RIF1: variants seen among roughly 807,000 people sequenced by gnomAD.
The protein encoded by RIF1 is telomere-associated protein RIF1.
A neutral mutation model predicts 247.1 loss-of-function variants in RIF1; 45 were observed. The observed-to-expected ratio is 0.18, with a 90% CI of 0.14 to 0.23. The LOEUF (loss-of-function observed/expected upper bound fraction) is 0.23, where lower values mean the gene tolerates loss of function less well. Among genes scored for constraint, RIF1 ranks in the 10% least tolerant of loss-of-function variants. RIF1 has a pLI of 1.00. For synonymous variants in RIF1, 1,087 were observed against 978.8 expected, an observed-to-expected ratio of 1.11 and a Z score of -2.06; for missense variants, 2,967 against 2,862.5, an observed-to-expected ratio of 1.04 and a Z score of -0.83.
At position 151,490,084 on chromosome 2, in the gene RIF1, AAAAG is replaced by A. The variant is rs1247176534; in HGVS notation, c.*416-5144_*416-5141del. 1 of 1,589,988 alleles carries A rather than the reference AAAAG, an allele frequency of 6.3e-7. No homozygotes were observed. Among genetic ancestry groups the A allele is most frequent in the Non-Finnish European group, 8.6e-7 (1 of 1,163,648 alleles). ...GTTTTTGCATGTTTGTAAGCTGAAA[AAAAG>A]GGGGCAAATTCTTTATAAGAAGAAA... On this transcript the variant is annotated intron_variant and NMD_transcript_variant, in intron 9 of 13. Transcript: ENST00000454583.
chr2:151,444,795 T>C (rs1692972770), intron 18 of RIF1, among the ~76,000 whole-genome samples: 1 of 152,216 alleles, frequency 6.6e-6, no homozygotes, highest in African/African-American at 2.4e-5. Flanking sequence ...GGGATTCATT[T>C]TTAGAACTTA....
At chr2:151,446,905 A>C (rs1693368746) in intron 20 of RIF1, among the ~76,000 whole-genome samples, 1 of 151,338 alleles carries the variant, frequency 6.6e-6, no homozygotes, top group Non-Finnish European at 1.5e-5. Context: ...ATCCCTTTGA[A>C]AGTTTGTAGT....
the RIF1 span, among the ~76,000 whole-genome samples, chr2:151,514,041 G>T: frequency 6.6e-6 from 1 of 152,164 alleles, no homozygotes; most frequent in Non-Finnish European, 1.5e-5. Flanking sequence ...TAGTGTTTTC[G>T]TGTAGATGAG....
At chr2:151,505,713 G>C (rs565944075) in intron 12 of RIF1, 1 of 680,592 alleles carries the variant, frequency 1.5e-6, no homozygotes, top group Non-Finnish European at 2.6e-6. Context: ...GTGTGAATGG[G>C]ACCTCATTCT....
the RIF1 span, chr2:151,519,672 T>A: frequency 6.2e-7 from 1 of 1,608,998 alleles, no homozygotes; most frequent in South Asian, 1.1e-5. Flanking sequence ...CTTGCAAGAT[T>A]ATTAGCATCT....
At chr2:151,415,621 C>T (rs987422285) in intron 4 of RIF1, among the ~76,000 whole-genome samples, 3 of 147,372 alleles carry the variant, frequency 2.0e-5, no homozygotes, top group African/African-American at 7.5e-5. Flanking sequence ...TGCCTGTAAT[C>T]CCAGCACTTT....
Position 151,474,837 on chromosome 2 carries a change from G to T in RIF1, c.7205-20G>T, listed in dbSNP as rs776273100. 7.9e-5 allele frequency: 96 copies of T among 1,218,248 alleles called. No individual in the cohort carries two copies. Among genetic ancestry groups the T allele is most frequent in the Non-Finnish European group, 9.4e-5 (81 of 864,050 alleles). 75.5% of individuals were successfully genotyped at this position (1,218,248 alleles called of 1,614,324 possible). A position where few individuals can be genotyped will look rare whatever the true frequency, so the allele number is the denominator to read the frequency against. On this transcript the variant is annotated intron_variant, in intron 35 of 35. Transcript: ENST00000444746. The stretch of plus-strand genomic sequence containing the variant: ...TTTGTCTGGTATAGATTTAATTGTG[G>T]TTTTTTTTTTCTCTTTTAGATATAA...
In RIF1 at chr2:151,428,797, G is replaced by A; in HGVS notation, c.800G>A (p.Ser267Asn). Residue 267 changes from serine (S) to asparagine (N), a missense_variant, in exon 9 of 36, where the codon AGT becomes AAT. This residue lies in a region of RIF1 where 71 missense variants were observed against 132.9 expected (regional missense o/e 0.53). Transcript: ENST00000444746. ...TCCCCTTTTTAGACCTTGCATCGAA[G>A]TGGGAGTTTCATCAATTCTCTCTTG... ...VKLLGRTLHR[S>N]GSFINSLLQL... 6.2e-7 allele frequency: 1 copy of A among 1,605,128 alleles called. No individual in the cohort carries two copies. The highest frequency in any genetic ancestry group is 8.5e-7 in the Non-Finnish European group (1 of 1,172,188).
At chr2:151,511,890 G>A (rs1275919045), downstream of RIF1, among the ~76,000 whole-genome samples, 1 of 151,966 alleles carries the variant, frequency 6.6e-6, no homozygotes, top group Admixed American at 6.6e-5. Flanking sequence ...CATTTTTAAA[G>A]CCACATCATA....
chr2:151,427,153 T>C (rs1168738300), intron 8 of RIF1, among the ~76,000 whole-genome samples: 1 of 152,198 alleles, frequency 6.6e-6, no homozygotes, highest in African/African-American at 2.4e-5. Flanking sequence ...TTCGTGTTGA[T>C]GTAATTTTTT....
intron 13 of RIF1, among the ~76,000 whole-genome samples, chr2:151,507,369 C>T (rs1444589489): frequency 6.6e-6 from 1 of 152,164 alleles, no homozygotes. Flanking sequence ...GGCACCTTGG[C>T]ATTTGAAAAA....
chr2:151,506,079 A>T, intron 12 of RIF1: 1 of 1,146,036 alleles, frequency 8.7e-7, no homozygotes, highest in Non-Finnish European at 1.3e-6. Context: ...GTTTCTGGTG[A>T]CAGAGGCTTT....
intron 26 of RIF1, 130 bp from the exon 27 acceptor site, chr2:151,461,008 G>C (rs1306723028): frequency 1.2e-6 from 1 of 806,964 alleles, no homozygotes; most frequent in African/African-American, 1.7e-5. Flanking sequence ...ATTTGTTACG[G>C]ATCATGAGTA....
At position 151,465,474 on chromosome 2, in the gene RIF1, A is replaced by C. The variant is rs146726855; in HGVS notation, c.5954A>C (p.Asn1985Thr). The change falls in exon 30 of 36, where the codon AAT (asparagine) becomes ACT (threonine). Residue 1985 changes from asparagine (N) to threonine (T), a missense_variant. Asn to Thr is a moderately conservative substitution (Grantham distance 65). Transcript: ENST00000444746. ...LSDNTTPVKL[N>T]AQTEISEQTA... ...GATAATACTACACCTGTAAAATTGA[A>C]TGCTCAAACTGAGATTTCTGAACAA... is the stretch of plus-strand genomic sequence containing the variant. The C allele has an allele frequency of 4.6e-5, 74 of 1,613,972 alleles. No homozygotes were observed. Among genetic ancestry groups the C allele is most frequent in the Non-Finnish European group, 6.2e-5 (73 of 1,179,992 alleles).
At chr2:151,496,666 G>T (rs2060428186) in intron 10 of RIF1, among the ~76,000 whole-genome samples, 1 of 152,008 alleles carries the variant, frequency 6.6e-6, no homozygotes, top group African/African-American at 2.4e-5. Flanking sequence ...ATGAGGATTT[G>T]AGACTGTTAG....
rs1553537770 is a variant in RIF1 at position 151,494,232 on chromosome 2, C to G, written c.*416-997C>G. The stretch of plus-strand genomic sequence containing the variant: ...GTGACAGGGGTTGCGGTGGCTTTCC[C>G]CACATTTTCTTTGTACAAAACCTAT... On this transcript the variant is annotated intron_variant and NMD_transcript_variant, in intron 9 of 13. Coordinates refer to the RIF1 transcript ENST00000454583. 1 of 1,602,054 alleles carries G rather than the reference C, an allele frequency of 6.2e-7. No individual in the cohort carries two copies. The highest frequency in any genetic ancestry group is 1.1e-5 in the South Asian group (1 of 88,916).
chr2:151,493,863 A>AATT, intron 9 of RIF1: 1 of 1,543,568 alleles, frequency 6.5e-7, no homozygotes, highest in Non-Finnish European at 8.8e-7. Context: ...CTCTTTGTAT[A>AATT]ACACCTGTGA....
At chr2:151,526,312 C>T in the RIF1 span, 1 of 1,256,140 alleles carries the variant, frequency 8.0e-7, no homozygotes, top group East Asian at 2.5e-5. Context: ...GGATATCCTA[C>T]ATATTTTTAT....
the RIF1 span, among the ~76,000 whole-genome samples, chr2:151,531,308 C>CTT: frequency 8.2e-4 from 69 of 84,028 alleles, 3 homozygotes; most frequent in African/African-American, 1.7e-3. Flanking sequence ...TTTTTTCTTT[C>CTT]TTTTTTTTTT....
Sources: allele counts gnomAD v4.1 joint callset (sites outside exome capture counted in the v4.1 genomes callset), GRCh38; gene constraint gnomAD v4.1.1; regional missense constraint gnomAD v4.1.1; transcripts MANE v1.5; gene names NCBI Gene and HGNC (gene_info 2026-07-23, HGNC 2026-07-21).